The following EDARADD variants were observed in gnomAD, a reference collection of about 807,000 sequenced individuals.
EDARADD encodes EDAR associated via death domain.
In EDARADD, 20 loss-of-function variants were observed where a neutral mutation model predicts 25.6. That is an observed-to-expected ratio of 0.78 (90% CI 0.55 to 1.14). The LOEUF (loss-of-function observed/expected upper bound fraction) is 1.14, where lower values mean the gene tolerates loss of function less well. Ranked by LOEUF, EDARADD falls within the 50% of genes most tolerant of loss-of-function variation. The probability of loss-of-function intolerance (pLI) is 0.00; values close to 1 mark genes in which losing one functional copy is unlikely to be tolerated. For missense variants in EDARADD, 225 were observed against 270.1 expected (o/e 0.83, Z 1.17); for synonymous variants, 86 against 94.4 (o/e 0.91, Z 0.52).
chr1:236,466,606 T>C (rs1378398276), intron 4 of EDARADD, among the ~76,000 whole-genome samples: 1 of 152,124 alleles, frequency 6.6e-6, no homozygotes, highest in Non-Finnish European at 1.5e-5. Context: ...AGGAGAAAAG[T>C]CTAGCTGGTA....
intron 4 of EDARADD, among the ~76,000 whole-genome samples, chr1:236,433,463 A>C (rs1247237640): frequency 6.6e-6 from 1 of 151,082 alleles, no homozygotes; most frequent in Non-Finnish European, 1.5e-5. Context: ...GGCACCCACC[A>C]CCACACCCAG....
intron 4 of EDARADD, among the ~76,000 whole-genome samples, chr1:236,460,187 C>CTTTTTT: frequency 7.2e-6 from 1 of 138,574 alleles, no homozygotes; most frequent in Non-Finnish European, 1.5e-5. Context: ...TTTTTCTTTT[C>CTTTTTT]TTTTTTTTTT....
intron 3 of EDARADD, among the ~76,000 whole-genome samples, chr1:236,360,746 C>T (rs1667037305): frequency 1.3e-5 from 2 of 151,852 alleles, no homozygotes; most frequent in Non-Finnish European, 2.9e-5. Flanking sequence ...AGGGTTTTTC[C>T]ATGTTGCCCA....
At chr1:236,403,803 C>T (rs1667659333) in intron 1 of EDARADD, among the ~76,000 whole-genome samples, 1 of 152,212 alleles carries the variant, frequency 6.6e-6, no homozygotes, top group African/African-American at 2.4e-5. Flanking sequence ...CTCTGTGAGC[C>T]AGGCCAGGTG....
At chr1:236,410,123 CG>C (rs900641718) in intron 2 of EDARADD, among the ~76,000 whole-genome samples, 56 of 152,068 alleles carry the variant, frequency 3.7e-4, no homozygotes, top group African/African-American at 1.3e-3. Context: ...TCCATGGGTA[CG>C]TATGCAGCTT....
At chr1:236,414,572 G>A (rs1657585661) in intron 3 of EDARADD, among the ~76,000 whole-genome samples, 1 of 152,116 alleles carries the variant, frequency 6.6e-6, no homozygotes, top group African/African-American at 2.4e-5. Flanking sequence ...GTTTTTAACA[G>A]GCATAAAATG....
At chr1:236,407,428 C>G (rs946764860) in intron 1 of EDARADD, among the ~76,000 whole-genome samples, 1 of 152,114 alleles carries the variant, frequency 6.6e-6, no homozygotes, top group African/African-American at 2.4e-5. Context: ...GTTGCCTTCT[C>G]GAAACTTCTT....
intron 3 of EDARADD, among the ~76,000 whole-genome samples, chr1:236,383,332 T>G (rs976073045): frequency 6.7e-5 from 10 of 149,558 alleles, no homozygotes; most frequent in African/African-American, 2.5e-4. Flanking sequence ...GAGGTGGAGG[T>G]TGCAGTGAGC....
chr1:236,433,214 T>C (rs1159589600), intron 4 of EDARADD, among the ~76,000 whole-genome samples: 1 of 152,016 alleles, frequency 6.6e-6, no homozygotes, highest in Non-Finnish European at 1.5e-5. Flanking sequence ...CAATTATTTT[T>C]GTCACTTCGT....
At chr1:236,377,725 G>A (rs1667240648) in intron 3 of EDARADD, among the ~76,000 whole-genome samples, 1 of 151,690 alleles carries the variant, frequency 6.6e-6, no homozygotes, top group Non-Finnish European at 1.5e-5. Context: ...GGGCATGGTG[G>A]CGCATGTCTG....
intron 4 of EDARADD, among the ~76,000 whole-genome samples, chr1:236,438,465 A>T (rs552131201): frequency 1.8e-4 from 28 of 152,182 alleles, no homozygotes; most frequent in Non-Finnish European, 3.4e-4. Context: ...GGTGGTGACC[A>T]GGGCTGTGGT....
upstream of EDARADD, among the ~76,000 whole-genome samples, chr1:236,392,465 C>T (rs1467950537): frequency 1.3e-5 from 2 of 150,046 alleles, no homozygotes; most frequent in Non-Finnish European, 3.0e-5. Flanking sequence ...GCAGGGACTA[C>T]AGGCATGTAC....
In EDARADD at chr1:236,462,974, A is replaced by G. The variant is rs930510595; in HGVS notation, c.220-5257A>G. On this transcript the variant is annotated intron_variant, in intron 4 of 5. Coordinates refer to ENST00000334232, the MANE Select transcript of EDARADD (RefSeq NM_145861.4). ...GAGAAGTTCTTCCCAGCCAGTGTTA[A>G]GAAAAATTAACATCAAGTTTTAGGA... Among the ~76,000 whole-genome samples the G allele has an allele frequency of 2.0e-5, 3 of 152,264 alleles. No homozygotes were observed. In the East Asian group the frequency reaches 5.8e-4, roughly 29 times the overall value.
intron 4 of EDARADD, among the ~76,000 whole-genome samples, chr1:236,435,574 G>A (rs1470885570): frequency 6.6e-6 from 1 of 152,208 alleles, no homozygotes; most frequent in Non-Finnish European, 1.5e-5. Context: ...CTACCAAGAT[G>A]TCATTGGATT....
chr1:236,395,685 G>A lies in EDARADD; in HGVS notation c.61+1180G>A, dbSNP rs1225386145. The A allele has an allele frequency of 1.3e-6, 2 of 1,553,448 alleles. No homozygotes were observed. The highest frequency in any genetic ancestry group is 8.7e-7 in the Non-Finnish European group (1 of 1,154,048). The stretch of plus-strand genomic sequence containing the variant: ...GGTAAAGGGACACAGCGCCGCGCCC[G>A]CTCCTGGAGCGAGCACCGCGGGGCG... On this transcript the variant is annotated intron_variant, in intron 1 of 5. Transcript: ENST00000334232. The surrounding 1 kb of genome is among the most constrained non-coding windows in gnomAD (Gnocchi z 6.9).
intron 4 of EDARADD, among the ~76,000 whole-genome samples, chr1:236,447,953 A>G (rs1181584498): frequency 6.6e-6 from 1 of 151,808 alleles, no homozygotes; most frequent in Non-Finnish European, 1.5e-5. Flanking sequence ...CTCCTGCCTC[A>G]GCCTCCTGAG....
At chr1:236,423,396 G>A (rs1164780247) in intron 3 of EDARADD, among the ~76,000 whole-genome samples, 1 of 152,222 alleles carries the variant, frequency 6.6e-6, no homozygotes, top group Non-Finnish European at 1.5e-5. Context: ...CTTGCGCTAT[G>A]TGTGGGGCAG....
At chr1:236,389,655 G>A (rs973736183), upstream of EDARADD, among the ~76,000 whole-genome samples, 1 of 152,120 alleles carries the variant, frequency 6.6e-6, no homozygotes, top group Non-Finnish European at 1.5e-5. Context: ...ATAATTTTAT[G>A]TATGTATGCA....
At chr1:236,383,116 C>A (rs755561337) in intron 3 of EDARADD, among the ~76,000 whole-genome samples, 1 of 152,002 alleles carries the variant, frequency 6.6e-6, no homozygotes, top group Admixed American at 6.6e-5. Context: ...CAAGGAAGGC[C>A]GGGCGCAGTG....
Sources: allele counts gnomAD v4.1 joint callset (sites outside exome capture counted in the v4.1 genomes callset), GRCh38; gene constraint gnomAD v4.1.1; non-coding constraint Gnocchi (gnomAD v3.1); transcripts MANE v1.5; gene names NCBI Gene and HGNC (gene_info 2026-07-23, HGNC 2026-07-21).